Variants in SYNE2 observed in about 807,000 individuals in gnomAD.
The protein encoded by SYNE2 is spectrin repeat containing nuclear envelope protein 2.
SYNE2 carries 431 observed loss-of-function variants against 856.3 expected under a neutral mutation model. That is an observed-to-expected ratio of 0.50 (90% CI 0.47 to 0.55). The LOEUF is 0.55. Among genes scored for constraint, SYNE2 ranks in the 20% least tolerant of loss-of-function variants. The probability of loss-of-function intolerance (pLI) is 0.00; values close to 1 mark genes in which losing one functional copy is unlikely to be tolerated. For synonymous variants in SYNE2, 2,923 were observed against 2,872.3 expected (o/e 1.02, Z -0.56); for missense variants, 8,129 against 8,023.2 (o/e 1.01, Z -0.50).
At chr14:64,158,869 A>G in intron 86 of SYNE2, 74 bp downstream of exon 86, 1 of 1,509,598 alleles carries the variant, frequency 6.6e-7, no homozygotes, top group Non-Finnish European at 9.2e-7. Context: ...AGTAACGGGC[A>G]TAACTGTGTT....
At chr14:63,978,203 C>T (rs1365919818) in intron 13 of SYNE2, among the ~76,000 whole-genome samples, 186 bp downstream of exon 13, 2 of 152,134 alleles carry the variant, frequency 1.3e-5, no homozygotes, top group Non-Finnish European at 2.9e-5. Context: ...AACATACCTC[C>T]TTTTTTATTG....
At chr14:64,172,078 T>A (rs1490993788) in intron 94 of SYNE2, among the ~76,000 whole-genome samples, 2 of 152,160 alleles carry the variant, frequency 1.3e-5, no homozygotes, top group Non-Finnish European at 2.9e-5. Flanking sequence ...CTCGAACTCC[T>A]GACCTCAGGT....
chr14:64,219,431 G>A (rs1289081259), intron 110 of SYNE2, 21 bp downstream of exon 110: 2 of 1,611,536 alleles, frequency 1.2e-6, no homozygotes, highest in South Asian at 2.2e-5. Context: ...GGTGTGGTGG[G>A]GAAGAGGGAT....
chr14:63,994,111 C>T, intron 22 of SYNE2, 142 bp downstream of exon 22: 2 of 822,254 alleles, frequency 2.4e-6, no homozygotes, highest in Non-Finnish European at 3.9e-6. Flanking sequence ...TCCCAGGGTT[C>T]ATACAGAGTT....
chr14:64,184,724 C>G (rs1347077564), intron 96 of SYNE2, among the ~76,000 whole-genome samples: 1 of 152,202 alleles, frequency 6.6e-6, no homozygotes, highest in Non-Finnish European at 1.5e-5. Flanking sequence ...TCTACTGGAA[C>G]CAATCGTGAG....
At chr14:63,850,811 T>G (rs1890383926), upstream of SYNE2, among the ~76,000 whole-genome samples, 1 of 152,174 alleles carries the variant, frequency 6.6e-6, no homozygotes, top group Admixed American at 6.5e-5. Context: ...CAACAAGGGC[T>G]TGTAACATAG....
rs148236949 is a variant in SYNE2, at chr14:64,169,612, C to T, written c.17001-616C>T. Among the ~76,000 whole-genome samples the T allele has an allele frequency of 1.9e-3, 287 of 152,356 alleles. 1 individual carries two copies. Among genetic ancestry groups the T allele is most frequent in the Middle Eastern group, 0.01 (3 of 294 alleles). On this transcript the variant is annotated intron_variant, in intron 93 of 115. Transcript: ENST00000555002. ...CTTCCACATCACCACCCATACACCTCTGAATCTTCTTTCAGCATAACTAAG... is the reference window on the plus strand; with the variant it reads ...CTTCCACATCACCACCCATACACCTTTGAATCTTCTTTCAGCATAACTAAG...
chr14:64,009,880 C>T, intron 31 of SYNE2, 86 bp from the exon 32 acceptor site: 1 of 1,220,452 alleles, frequency 8.2e-7, no homozygotes, highest in Admixed American at 1.9e-5. Context: ...ACACCTTATT[C>T]ATCATTTATG....
At chr14:63,910,262 TTTAAA>T (rs760612838) in intron 2 of SYNE2, among the ~76,000 whole-genome samples, 6 of 152,246 alleles carry the variant, frequency 3.9e-5, no homozygotes, top group Non-Finnish European at 7.3e-5. Flanking sequence ...GATATTTTCC[TTTAAA>T]TTAAAGATCT....
rs1041005463 is a variant in SYNE2, at chr14:63,998,432, G to A, written c.3353+104G>A. ...TTTATTTTCATTTAGTCGTCATTTT[G>A]CATATGATCCAGTAACTTAGAAATT... On this transcript the variant is annotated intron_variant, in intron 26 of 115. Coordinates refer to ENST00000555002, the MANE Select transcript of SYNE2 (RefSeq NM_182914.3). 7 of 766,494 alleles carry A rather than the reference G, an allele frequency of 9.1e-6. No individual in the cohort carries two copies. The African/African-American group carries it at 1.0e-4, about 11-fold the overall frequency. The allele number at this position is 766,494 out of a possible 1,614,324, so 47.5% of individuals were successfully genotyped here.
At chr14:64,209,763 T>A in intron 102 of SYNE2, 179 bp from the exon 103 acceptor site, 1 of 1,122,962 alleles carries the variant, frequency 8.9e-7, no homozygotes, top group Non-Finnish European at 1.3e-6. Flanking sequence ...CTCCAGCTGC[T>A]ATGTAATGAA....
At chr14:63,784,821 T>C (rs1218557145) in intron 1 of SYNE2, among the ~76,000 whole-genome samples, 1 of 151,728 alleles carries the variant, frequency 6.6e-6, no homozygotes, top group African/African-American at 2.4e-5. Context: ...AATAAAAATA[T>C]ATAAATAAAT....
chr14:64,140,896 GT>G (rs368961338), intron 80 of SYNE2, among the ~76,000 whole-genome samples: 27 of 146,940 alleles, frequency 1.8e-4, no homozygotes, highest in East Asian at 4.0e-4. Context: ...GACTTTTCCT[GT>G]TTTTTTTTTA....
At chr14:64,091,190 C>A in intron 60 of SYNE2, 142 bp downstream of exon 60, 1 of 764,834 alleles carries the variant, frequency 1.3e-6, no homozygotes. Flanking sequence ...TCTTCATGCT[C>A]AAATGGAGCT....
At chr14:64,149,085 A>G (rs990717715) in intron 84 of SYNE2, among the ~76,000 whole-genome samples, 3 of 151,278 alleles carry the variant, frequency 2.0e-5, no homozygotes, top group Non-Finnish European at 4.4e-5. Flanking sequence ...AGGCAGAAGG[A>G]TCACTTGAGG....
chr14:63,943,989 A>T (rs2095972507), intron 6 of SYNE2, among the ~76,000 whole-genome samples: 1 of 151,930 alleles, frequency 6.6e-6, no homozygotes, highest in African/African-American at 2.4e-5. Flanking sequence ...TTCTTTAAGA[A>T]AATCTAAACC....
chr14:63,995,711 A>C (rs539059843), intron 23 of SYNE2, among the ~76,000 whole-genome samples: 201 of 150,556 alleles, frequency 1.3e-3, no homozygotes, highest in Non-Finnish European at 2.1e-3. Flanking sequence ...CTCTTGCTTT[A>C]TATAATTCTA....
At position 64,113,642 on chromosome 14, in the gene SYNE2, C is replaced by A. The variant is rs751115771; in HGVS notation, c.12840+71C>A. 502 of 1,457,772 alleles carry A rather than the reference C, an allele frequency of 3.4e-4. 1 individual carries two copies. The highest frequency in any genetic ancestry group is 6.7e-4 in the South Asian group (55 of 81,736). The allele number at this position is 1,457,772 out of a possible 1,614,324, so 90.3% of individuals were successfully genotyped here. On this transcript the variant is annotated intron_variant, in intron 66 of 115. Coordinates refer to ENST00000555002, the MANE Select transcript of SYNE2 (RefSeq NM_182914.3). ...ATCTGCCAAGATTGGGTGAATTTCT[C>A]TTAAAGCAACACTGTTTTTCTTTCT...
intron 1 of SYNE2, among the ~76,000 whole-genome samples, chr14:63,779,885 C>T (rs998912005): frequency 1.3e-5 from 2 of 151,940 alleles, no homozygotes; most frequent in Non-Finnish European, 2.9e-5. Flanking sequence ...GCAGAGTTTG[C>T]AGTTAAGAGA....
Sources: allele counts gnomAD v4.1 joint callset (sites outside exome capture counted in the v4.1 genomes callset), GRCh38; gene constraint gnomAD v4.1.1; transcripts MANE v1.5; gene names NCBI Gene and HGNC (gene_info 2026-07-23, HGNC 2026-07-21).